EPCIP: variants seen among roughly 807,000 people sequenced by gnomAD.
The protein encoded by EPCIP is exosomal polycystin 1 interacting protein.
chr21:32,809,343 T>TCCTC, the EPCIP span, among the ~76,000 whole-genome samples: 1 of 115,110 alleles, frequency 8.7e-6, no homozygotes, highest in Non-Finnish European at 1.9e-5. Context: ...TTTCTTTCTT[T>TCCTC]CCTCTTTCTT....
At chr21:32,800,772 C>T in the EPCIP span, among the ~76,000 whole-genome samples, 5 of 151,178 alleles carry the variant, frequency 3.3e-5, no homozygotes, top group Admixed American at 6.6e-5. Context: ...GCTGAGATCG[C>T]GCCATTGCAC....
chr21:32,800,795 C>T, the EPCIP span, among the ~76,000 whole-genome samples: 1 of 135,204 alleles, frequency 7.4e-6, no homozygotes, highest in Non-Finnish European at 1.6e-5. Context: ...CAGAGTGAGA[C>T]TCTGTCTCAA....
the EPCIP span, among the ~76,000 whole-genome samples, chr21:32,802,930 C>A: frequency 0.72 from 108,993 of 152,048 alleles, 39,904 homozygotes; most frequent in East Asian, 0.91. Context: ...TCTTAGCATC[C>A]CAACACAGCT....
the EPCIP span, among the ~76,000 whole-genome samples, chr21:32,804,101 G>A: frequency 6.6e-6 from 1 of 152,208 alleles, no homozygotes; most frequent in South Asian, 2.1e-4. Flanking sequence ...CTTCAAGTAT[G>A]CAATTTGGGT....
chr21:32,796,888 C>G, the EPCIP span: 1 of 447,812 alleles, frequency 2.2e-6, no homozygotes, highest in East Asian at 7.1e-5. Context: ...GGGGAGAGGT[C>G]TATTCATCAG....
the EPCIP span, chr21:32,793,954 C>G: frequency 6.2e-7 from 1 of 1,614,144 alleles, no homozygotes; most frequent in Non-Finnish European, 8.5e-7. Flanking sequence ...CTTTGTGTAA[C>G]CACATGGGCT....
chr21:32,809,312 C>CTTTCTTTCTTTCTTTCTTTCT, the EPCIP span, among the ~76,000 whole-genome samples: 3 of 132,108 alleles, frequency 2.3e-5, no homozygotes, highest in African/African-American at 8.5e-5. Flanking sequence ...TTCTTTCTTT[C>CTTTCTTTCTTTCTTTCTTTCT]TTTCTTTCTT....
chr21:32,800,311 T>C, the EPCIP span, among the ~76,000 whole-genome samples: 1 of 152,248 alleles, frequency 6.6e-6, no homozygotes, highest in Non-Finnish European at 1.5e-5. Context: ...GTGTGGAATT[T>C]GTTTTGAAGT....
At chr21:32,804,630 G>A in the EPCIP span, among the ~76,000 whole-genome samples, 1 of 151,864 alleles carries the variant, frequency 6.6e-6, no homozygotes, top group East Asian at 1.9e-4. Context: ...AAAGTAACTG[G>A]TTCATTTAAT....
chr21:32,806,209 C>A, the EPCIP span, among the ~76,000 whole-genome samples: 1 of 152,198 alleles, frequency 6.6e-6, no homozygotes, highest in Non-Finnish European at 1.5e-5. Context: ...TGGACAGAAG[C>A]ATTTTCTCCA....
chr21:32,792,877 A>G, the EPCIP span, among the ~76,000 whole-genome samples: 1 of 151,644 alleles, frequency 6.6e-6, no homozygotes, highest in Non-Finnish European at 1.5e-5. Flanking sequence ...TATTTAGAAA[A>G]GATCAGTTTA....
chr21:32,806,096 C>T, the EPCIP span, among the ~76,000 whole-genome samples: 3 of 151,984 alleles, frequency 2.0e-5, no homozygotes, highest in Non-Finnish European at 1.5e-5. Context: ...AGGCTGAGTC[C>T]GGTCAGGTAG....
the EPCIP span, among the ~76,000 whole-genome samples, chr21:32,805,127 C>G: frequency 2.6e-5 from 4 of 152,064 alleles, no homozygotes; most frequent in African/African-American, 4.8e-5. Context: ...AAGAAGAAGG[C>G]AATATGACAA....
the EPCIP span, among the ~76,000 whole-genome samples, chr21:32,795,071 C>T: frequency 1.3e-5 from 2 of 152,172 alleles, no homozygotes; most frequent in Non-Finnish European, 2.9e-5. Flanking sequence ...TGCCTCCCAT[C>T]CCCACCATAT....
At chr21:32,798,097 G>A in the EPCIP span, 1 of 152,234 alleles carries the variant, frequency 6.6e-6, no homozygotes, top group African/African-American at 2.4e-5. Flanking sequence ...CACTTTGGGA[G>A]GCTGAGGTAG....
At chr21:32,792,848 G>A in the EPCIP span, among the ~76,000 whole-genome samples, 1 of 151,976 alleles carries the variant, frequency 6.6e-6, no homozygotes, top group African/African-American at 2.4e-5. Flanking sequence ...ATTTCTTGGT[G>A]CATCTATTCT....
chr21:32,805,840 A>G, the EPCIP span, among the ~76,000 whole-genome samples: 7 of 152,146 alleles, frequency 4.6e-5, no homozygotes, highest in African/African-American at 1.7e-4. Flanking sequence ...ATCATTGGTA[A>G]CTAGTCTCCT....
At chr21:32,793,048 C>T in the EPCIP span, among the ~76,000 whole-genome samples, 1,578 of 152,140 alleles carry the variant, frequency 0.01, 32 homozygotes, top group African/African-American at 0.036. Context: ...CAACCTCCGC[C>T]TCCCAGGTTC....
the EPCIP span, among the ~76,000 whole-genome samples, chr21:32,803,600 G>A: frequency 6.6e-6 from 1 of 151,324 alleles, no homozygotes; most frequent in South Asian, 2.1e-4. Flanking sequence ...TTCCACGAAT[G>A]CACTGCAGGA....
Sources: allele counts gnomAD v4.1 joint callset (sites outside exome capture counted in the v4.1 genomes callset), GRCh38; gene constraint gnomAD v4.1.1; transcripts MANE v1.5; gene names NCBI Gene and HGNC (gene_info 2026-07-23, HGNC 2026-07-21).